NCR1: variants seen among roughly 807,000 people sequenced by gnomAD.
NCR1 encodes the protein NK cell-activating receptor.
A neutral mutation model predicts 32.5 loss-of-function variants in NCR1; 30 were observed. That is an observed-to-expected ratio of 0.92 (90% confidence interval 0.69 to 1.25). The LOEUF (loss-of-function observed/expected upper bound fraction) is 1.25, where lower values mean the gene tolerates loss of function less well. Ranked by LOEUF, NCR1 falls within the 50% of genes most tolerant of loss-of-function variation. The pLI, the probability that NCR1 is intolerant of heterozygous loss-of-function variation, is 0.00. For synonymous variants in NCR1, 169 were observed against 143.4 expected (o/e 1.18, Z -1.28); for missense variants, 369 against 380.7 (o/e 0.97, Z 0.26).
chr19:54,934,372 C>G, the NCR1 span: 1 of 1,004,970 alleles, frequency 1.0e-6, no homozygotes. This position sits in a 1 kb window ranked among gnomAD's most constrained non-coding sequence, Gnocchi z 6.7. Flanking sequence ...GGGCCTGAAG[C>G]AGGTGTTTAT....
At chr19:54,933,247 G>A in the NCR1 span, among the ~76,000 whole-genome samples, 1 of 152,024 alleles carries the variant, frequency 6.6e-6, no homozygotes, top group African/African-American at 2.4e-5. Context: ...CCAGGTTCAC[G>A]CCATTCTCCT....
intron 3 of NCR1, 49 bp downstream of exon 3, chr19:54,906,856 G>C: frequency 6.3e-7 from 1 of 1,597,412 alleles, no homozygotes; most frequent in Non-Finnish European, 8.5e-7. Flanking sequence ...CTGCATCCGG[G>C]ATGCAGCATC....
At chr19:54,931,844 TA>T in the NCR1 span, among the ~76,000 whole-genome samples, 275 of 108,252 alleles carry the variant, frequency 2.5e-3, 1 homozygote, top group Middle Eastern at 5.2e-3. Flanking sequence ...GAGAGACTGT[TA>T]AAAAAAAAAA....
At chr19:54,916,362 C>A (rs751151059), downstream of NCR1, among the ~76,000 whole-genome samples, 6 of 133,722 alleles carry the variant, frequency 4.5e-5, no homozygotes, top group Non-Finnish European at 9.7e-5. Flanking sequence ...GCTCTGTCAC[C>A]CAGGCTGGAG....
At chr19:54,919,743 C>T (rs2068210521), downstream of NCR1, among the ~76,000 whole-genome samples, 1 of 147,760 alleles carries the variant, frequency 6.8e-6, no homozygotes, top group African/African-American at 2.5e-5. Context: ...GCCCCTTTCC[C>T]GGTCTGCTAA....
At chr19:54,923,629 C>T in the NCR1 span, 3 of 1,249,466 alleles carry the variant, frequency 2.4e-6, no homozygotes, top group Non-Finnish European at 3.5e-6. Context: ...TCAAATCCTA[C>T]CTCTCGACAG....
chr19:54,910,547 G>T (rs2067918398), intron 5 of NCR1, among the ~76,000 whole-genome samples: 3 of 151,932 alleles, frequency 2.0e-5, no homozygotes, highest in Non-Finnish European at 4.4e-5. Context: ...CCACTCCACT[G>T]CACGACACAG....
At chr19:54,928,638 A>C in the NCR1 span, among the ~76,000 whole-genome samples, 2 of 152,096 alleles carry the variant, frequency 1.3e-5, no homozygotes, top group Non-Finnish European at 1.5e-5. Context: ...TTGGAAAGTG[A>C]TATGAGGAAA....
chr19:54,934,856 T>C, the NCR1 span, among the ~76,000 whole-genome samples: 1 of 152,006 alleles, frequency 6.6e-6, no homozygotes, highest in Non-Finnish European at 1.5e-5. This position sits in a 1 kb window ranked among gnomAD's most constrained non-coding sequence, Gnocchi z 6.7. Context: ...ATTACAGGCA[T>C]TCGCCAATTT....
At chr19:54,922,789 A>C in the NCR1 span, among the ~76,000 whole-genome samples, 8 of 39,448 alleles carry the variant, frequency 2.0e-4, no homozygotes, top group Admixed American at 1.8e-3. Context: ...AAAAAAAAAA[A>C]CAAAAAAAAA....
the NCR1 span, chr19:54,923,999 G>GA: frequency 9.9e-7 from 1 of 1,009,880 alleles, no homozygotes; most frequent in Non-Finnish European, 1.5e-6. Flanking sequence ...ACAGGGTCTT[G>GA]CTCTGTTGCC....
At chr19:54,930,771 A>T in the NCR1 span, 6 of 943,240 alleles carry the variant, frequency 6.4e-6, no homozygotes, top group Non-Finnish European at 1.0e-5. Context: ...ACTGGAATGC[A>T]GTGCTGCACT....
the NCR1 span, among the ~76,000 whole-genome samples, chr19:54,934,231 G>T: frequency 5.3e-5 from 8 of 152,118 alleles, 1 homozygote; most frequent in South Asian, 1.2e-3. This position sits in a 1 kb window ranked among gnomAD's most constrained non-coding sequence, Gnocchi z 6.7. Context: ...ATGAGCCACC[G>T]CACCCGGCCT....
chr19:54,923,231 C>A, the NCR1 span, among the ~76,000 whole-genome samples: 1 of 152,166 alleles, frequency 6.6e-6, no homozygotes, highest in African/African-American at 2.4e-5. Flanking sequence ...TGATGAGAGA[C>A]CGCGGGGCCC....
At chr19:54,916,317 C>CTCTTTTTTTTTTTTTTTTTTTTT (rs2068130780), downstream of NCR1, among the ~76,000 whole-genome samples, 1 of 87,124 alleles carries the variant, frequency 1.1e-5, no homozygotes, top group Non-Finnish European at 2.3e-5. Flanking sequence ...GAATATTGTG[C>CTCTTTTTTTTTTTTTTTTTTTTT]TTTTTTTTTT....
chr19:54,906,646 G>A lies in NCR1; in HGVS notation c.194G>A (p.Ser65Asn), dbSNP rs374166005. Reference protein sequence around the residue: ...AVEYQLHFEGSLFAVDRPKPP... With the variant: ...AVEYQLHFEGNLFAVDRPKPP... ...GAATACCAGCTGCACTTTGAAGGAA[G>A]CCTTTTTGCCGTGGACAGACCAAAA... Residue 65 changes from serine (S) to asparagine (N), a missense_variant, in exon 3 of 7, where the codon AGC (serine) becomes AAC (asparagine). Transcript: ENST00000291890. The A allele has an allele frequency of 5.0e-6, 8 of 1,613,596 alleles. No individual in the cohort carries two copies. Among genetic ancestry groups the A allele is most frequent in the Non-Finnish European group, 5.1e-6 (6 of 1,179,612 alleles).
chr19:54,903,685 ATATATGTG>A (rs2067378485), upstream of NCR1, among the ~76,000 whole-genome samples: 1 of 148,444 alleles, frequency 6.7e-6, no homozygotes, highest in Admixed American at 6.9e-5. Flanking sequence ...GTATAAATGT[ATATATGTG>A]TATATATATA....
chr19:54,901,312 G>T (rs1483140608), upstream of NCR1, among the ~76,000 whole-genome samples: 2 of 127,936 alleles, frequency 1.6e-5, no homozygotes, highest in Non-Finnish European at 3.1e-5. Context: ...AGAGAGCCGA[G>T]ATTGCGCCAC....
At chr19:54,899,173 A>G in the NCR1 span, among the ~76,000 whole-genome samples, 1 of 152,166 alleles carries the variant, frequency 6.6e-6, no homozygotes, top group East Asian at 1.9e-4. Context: ...TGCCCATTTT[A>G]CAACAAGAAT....
Sources: gnomAD v4.1 joint callset for allele counts (sites outside exome capture counted in the v4.1 genomes callset) on GRCh38, gnomAD v4.1.1 for gene constraint, Gnocchi (gnomAD v3.1) non-coding constraint, MANE v1.5 for transcripts, NCBI Gene and HGNC (gene_info 2026-07-23, HGNC 2026-07-21) for gene names.